BAIAP2: variants seen among roughly 807,000 people sequenced by gnomAD.
BAIAP2 encodes BAR/IMD domain containing adaptor protein 2, also known as BAR/IMD domain-containing adapter protein 2.
A neutral mutation model predicts 63.0 loss-of-function variants in BAIAP2; 18 were observed. The observed-to-expected ratio is 0.29, with a 90% CI of 0.20 to 0.42. The LOEUF (loss-of-function observed/expected upper bound fraction) is 0.42, where lower values mean the gene tolerates loss of function less well. Ranked by LOEUF, BAIAP2 falls within the 10% of genes least tolerant of loss-of-function variation. The pLI, the probability that BAIAP2 is intolerant of heterozygous loss-of-function variation, is 1.00. For synonymous variants in BAIAP2, 386 were observed against 307.6 expected (o/e 1.25, Z -2.67); for missense variants, 610 against 734.3 (o/e 0.83, Z 1.96).
intron 1 of BAIAP2, among the ~76,000 whole-genome samples, chr17:81,036,223 G>C (rs372934018): frequency 5.9e-5 from 9 of 151,344 alleles, no homozygotes; most frequent in African/African-American, 1.9e-4. Context: ...CTGCCGGGGA[G>C]CATTTTCTCA....
intron 7 of BAIAP2, among the ~76,000 whole-genome samples, chr17:81,102,247 C>T (rs2058592444): frequency 6.6e-6 from 1 of 152,172 alleles, no homozygotes; most frequent in African/African-American, 2.4e-5. Flanking sequence ...TTTGGGCCTG[C>T]CTCGGGGCTC....
chr17:81,115,648 G>A, intron 13 of BAIAP2, 122 bp from the exon 14 acceptor site: 1 of 1,169,728 alleles, frequency 8.5e-7, no homozygotes, highest in Non-Finnish European at 1.2e-6. Context: ...TGAGCTCTGT[G>A]CCCTGAGATC....
At chr17:81,061,759 GT>G (rs940119533) in intron 3 of BAIAP2, among the ~76,000 whole-genome samples, 1 of 152,030 alleles carries the variant, frequency 6.6e-6, no homozygotes, top group African/African-American at 2.4e-5. Context: ...ATCTTTTTGT[GT>G]TTTTGTTCAC....
At chr17:81,068,609 A>G (rs1044622540) in intron 3 of BAIAP2, among the ~76,000 whole-genome samples, 1 of 152,190 alleles carries the variant, frequency 6.6e-6, no homozygotes, top group Non-Finnish European at 1.5e-5. Flanking sequence ...CGGAGCCAGC[A>G]CTGGAGCCCG....
chr17:81,070,377 A>G (rs572773010), intron 3 of BAIAP2, among the ~76,000 whole-genome samples: 225 of 152,300 alleles, frequency 1.5e-3, no homozygotes, highest in African/African-American at 4.9e-3. Flanking sequence ...CGGGCTGGGT[A>G]TTGAATGTGC....
intron 2 of BAIAP2, among the ~76,000 whole-genome samples, chr17:81,055,574 G>GTTTTTTGTTTTTTTTTGGTT (rs370775327): frequency 8.1e-6 from 1 of 123,406 alleles, no homozygotes; most frequent in Admixed American, 9.3e-5. Flanking sequence ...AGGGTGTTTT[G>GTTTTTTGTTTTTTTTTGGTT]TTTTTTTTTG....
At chr17:81,098,204 T>TA in intron 6 of BAIAP2, 1 of 1,413,318 alleles carries the variant, frequency 7.1e-7, no homozygotes. Flanking sequence ...AGGTGAGTCA[T>TA]ACAACAAGCC....
intron 1 of BAIAP2, among the ~76,000 whole-genome samples, chr17:81,047,292 C>T (rs2047950432): frequency 6.6e-6 from 1 of 152,058 alleles, no homozygotes; most frequent in Non-Finnish European, 1.5e-5. Flanking sequence ...CTGGCCCCTG[C>T]CTTCCTGAGC....
intron 3 of BAIAP2, among the ~76,000 whole-genome samples, chr17:81,070,594 G>A (rs894220669): frequency 4.6e-5 from 7 of 152,224 alleles, no homozygotes; most frequent in South Asian, 2.1e-4. Context: ...GCCCTGGCGT[G>A]CCTGTCCCGC....
intron 3 of BAIAP2, among the ~76,000 whole-genome samples, chr17:81,072,676 G>A (rs894741609): frequency 1.3e-5 from 2 of 152,170 alleles, no homozygotes; most frequent in Admixed American, 6.5e-5. Context: ...CAGAGGCCAC[G>A]CCTCCCACTC....
intron 3 of BAIAP2, among the ~76,000 whole-genome samples, chr17:81,063,378 C>A (rs1176318094): frequency 6.6e-6 from 1 of 152,228 alleles, no homozygotes; most frequent in African/African-American, 2.4e-5. Flanking sequence ...TTCGTTTTCA[C>A]TGCTGTAGAA....
At chr17:81,110,338 C>T (rs2059768982) in intron 13 of BAIAP2, 1 of 986,328 alleles carries the variant, frequency 1.0e-6, no homozygotes, top group African/African-American at 1.7e-5. Context: ...CTAAAGATTT[C>T]AAATCCAGGG....
intron 4 of BAIAP2, chr17:81,085,365 C>T: frequency 1.7e-6 from 1 of 596,378 alleles, no homozygotes; most frequent in South Asian, 1.8e-5. Flanking sequence ...TCGCAGTGAT[C>T]CCCAGCATGG....
At chr17:81,100,426 G>A (rs908738270) in intron 7 of BAIAP2, among the ~76,000 whole-genome samples, 9 of 152,162 alleles carry the variant, frequency 5.9e-5, no homozygotes, top group African/African-American at 1.7e-4. Context: ...GTCATGCTCC[G>A]TGCTGGGTGC....
chr17:81,094,965 G>T (rs892264220), intron 6 of BAIAP2, among the ~76,000 whole-genome samples: 1 of 152,238 alleles, frequency 6.6e-6, no homozygotes, highest in Non-Finnish European at 1.5e-5. Flanking sequence ...AGCCGCCTTG[G>T]TTTTTTCTGG....
intron 10 of BAIAP2, chr17:81,105,825 C>A (rs567850297): frequency 1.3e-4 from 59 of 439,436 alleles, no homozygotes; most frequent in African/African-American, 1.2e-3. Context: ...GCTCTGGGGC[C>A]TTGCAGTTGG....
At chr17:81,095,241 C>T (rs2057428005) in intron 6 of BAIAP2, among the ~76,000 whole-genome samples, 1 of 152,158 alleles carries the variant, frequency 6.6e-6, no homozygotes, top group Non-Finnish European at 1.5e-5. Context: ...AGGCTCAGGG[C>T]CGTTGTAAAT....
At position 81,106,787 on chromosome 17, in the gene BAIAP2, C is replaced by A. The variant is rs199703361; in HGVS notation, c.1380C>A (p.Asp460Glu). ...GCAGCAGCACGGGCAACCTCCTGGA[C>A]AAGGACGACCTGGCCATCCCACCCC... ...GKSSSTGNLL[D>E]KDDLAIPPPD... The change falls in exon 12 of 14, where the codon GAC becomes GAA. Residue 460 changes from aspartate (D) to glutamate (E), a missense_variant. Transcript: ENST00000428708. The A allele has an allele frequency of 1.9e-5, 31 of 1,612,508 alleles. No individual in the cohort carries two copies. Among genetic ancestry groups the A allele is most frequent in the Non-Finnish European group, 1.6e-5 (19 of 1,179,802 alleles).
intron 7 of BAIAP2, among the ~76,000 whole-genome samples, chr17:81,102,687 C>A (rs2145876421): frequency 6.6e-6 from 1 of 152,028 alleles, no homozygotes; most frequent in Admixed American, 6.6e-5. Context: ...TCCGTGGGTC[C>A]CCAGCGTGGG....
Sources: gnomAD v4.1 joint callset for allele counts (sites outside exome capture counted in the v4.1 genomes callset) on GRCh38, gnomAD v4.1.1 for gene constraint, MANE v1.5 for transcripts, NCBI Gene and HGNC (gene_info 2026-07-23, HGNC 2026-07-21) for gene names.